The following JMJD1C variants were observed in gnomAD, a reference collection of about 807,000 sequenced individuals.
JMJD1C encodes the protein jumonji domain containing 1C.
JMJD1C carries 31 observed loss-of-function variants against 245.3 expected under a neutral mutation model. That is an observed-to-expected ratio of 0.13 (90% CI 0.09 to 0.17). The LOEUF (loss-of-function observed/expected upper bound fraction) is 0.17. Ranked by LOEUF, JMJD1C falls within the 10% of genes least tolerant of loss-of-function variation. The pLI is 1.00. For missense variants in JMJD1C, 2,691 were observed against 3,000.2 expected, an observed-to-expected ratio of 0.90 and a Z score of 2.41; for synonymous variants, 1,057 against 1,017.4, an observed-to-expected ratio of 1.04 and a Z score of -0.74.
At chr10:63,200,704 C>G in intron 10 of JMJD1C, 27 bp from the exon 11 acceptor site, 1 of 1,591,544 alleles carries the variant, frequency 6.3e-7, no homozygotes, top group Non-Finnish European at 8.6e-7. Flanking sequence ...AAAGTTTTAG[C>G]AAGATTATGC....
rs932376975 is a variant in JMJD1C, at chr10:63,503,531, A to G, written n.113+18207T>C. On this transcript the variant is annotated intron_variant and non_coding_transcript_variant, in intron 1 of 3. Transcript: ENST00000633035. ...ATGTGAGTTTCTGCTAAAGGTTTCT[A>G]TACCAGTAATGTGCCTGCCCCACCC... is the stretch of plus-strand genomic sequence containing the variant. Among the ~76,000 whole-genome samples, 4 of 152,204 alleles carry G rather than the reference A, an allele frequency of 2.6e-5. No homozygotes were observed. The East Asian group carries it at 7.7e-4, about 29-fold the overall frequency.
chr10:63,223,171 T>A, intron 3 of JMJD1C: 1 of 564,136 alleles, frequency 1.8e-6, no homozygotes, highest in Non-Finnish European at 3.2e-6. Flanking sequence ...CTTCCATACA[T>A]AACCATCCAT....
chr10:63,278,353 A>ATAG (rs1283491806), intron 2 of JMJD1C, among the ~76,000 whole-genome samples: 1 of 147,242 alleles, frequency 6.8e-6, no homozygotes, highest in Non-Finnish European at 1.5e-5. Context: ...GAGAATAATA[A>ATAG]TAATAATAAT....
rs1297896519 is a variant in JMJD1C at position 63,198,396 on chromosome 10, TTATCA to T, written c.5491+112_5491+116del. The T allele has an allele frequency of 8.9e-6, 6 of 673,516 alleles. No homozygotes were observed. In the African/African-American group the frequency reaches 1.1e-4, roughly 12 times the overall value. The allele number at this position is 673,516 out of a possible 1,614,324, so 41.7% of individuals were successfully genotyped here. A position where few individuals can be genotyped will look rare whatever the true frequency, so the allele number is the denominator to read the frequency against. ...AAATACATACTGTAAAAAGGTATCA[TTATCA>T]TAATTAAAAATCAAGGTTAGATAAG... is the stretch of plus-strand genomic sequence containing the variant. On this transcript the variant is annotated intron_variant, in intron 12 of 25. Coordinates refer to ENST00000399262, the MANE Select transcript of JMJD1C (RefSeq NM_032776.3).
At chr10:63,503,627 G>A (rs1047148591) in intron 1 of JMJD1C, among the ~76,000 whole-genome samples, 1 of 152,082 alleles carries the variant, frequency 6.6e-6, no homozygotes, top group African/African-American at 2.4e-5. Flanking sequence ...TTATTCCTAC[G>A]GGCAAGCCTA....
At chr10:63,204,867 T>C (rs1295338791) in intron 10 of JMJD1C, 8 of 985,254 alleles carry the variant, frequency 8.1e-6, no homozygotes, top group Non-Finnish European at 9.6e-6. Flanking sequence ...CACAGGCATG[T>C]GGGAAAACCT....
At chr10:63,456,995 T>C (rs1040391297) in intron 1 of JMJD1C, among the ~76,000 whole-genome samples, 5 of 152,194 alleles carry the variant, frequency 3.3e-5, no homozygotes, top group Admixed American at 1.3e-4. Flanking sequence ...CTTTCATCAG[T>C]GTTCAGAGCA....
At chr10:63,200,711 A>G in intron 10 of JMJD1C, 34 bp from the exon 11 acceptor site, 2 of 1,581,202 alleles carry the variant, frequency 1.3e-6, no homozygotes, top group Non-Finnish European at 1.7e-6. Flanking sequence ...TAGCAAGATT[A>G]TGCTTTGTAA....
chr10:63,180,768 A>C (rs1206346783), intron 22 of JMJD1C, among the ~76,000 whole-genome samples: 1 of 91,234 alleles, frequency 1.1e-5, no homozygotes, highest in Non-Finnish European at 2.5e-5. Flanking sequence ...ATGCACAGCT[A>C]ATTTTTTTTT....
At chr10:63,488,434 A>C (rs139085315) in intron 1 of JMJD1C, among the ~76,000 whole-genome samples, 121 of 152,340 alleles carry the variant, frequency 7.9e-4, no homozygotes, top group African/African-American at 2.8e-3. Flanking sequence ...CTTAGGTAAA[A>C]TATAAAACAT....
chr10:63,259,950 G>A (rs1444032624), intron 3 of JMJD1C, among the ~76,000 whole-genome samples: 3 of 152,078 alleles, frequency 2.0e-5, no homozygotes, highest in African/African-American at 7.2e-5. Flanking sequence ...TGCCCAGGCT[G>A]GAGTGCAATG....
intron 23 of JMJD1C, 127 bp from the exon 24 acceptor site, chr10:63,176,600 AGCT>A (rs1330281872): frequency 2.9e-6 from 2 of 699,738 alleles, no homozygotes; most frequent in Non-Finnish European, 4.7e-6. Context: ...CAACTGAATG[AGCT>A]TCTTCAGTTA....
At chr10:63,447,193 G>A (rs1207393986) in intron 1 of JMJD1C, among the ~76,000 whole-genome samples, 1 of 152,130 alleles carries the variant, frequency 6.6e-6, no homozygotes, top group South Asian at 2.1e-4. Context: ...AGTTTCTCAA[G>A]CTTGAACTCA....
At chr10:63,195,845 T>C (rs1198522999) in intron 13 of JMJD1C, among the ~76,000 whole-genome samples, 1 of 151,924 alleles carries the variant, frequency 6.6e-6, no homozygotes, top group Non-Finnish European at 1.5e-5. Context: ...AGGAGAATGG[T>C]GTGAACCCAG....
intron 2 of JMJD1C, among the ~76,000 whole-genome samples, chr10:63,285,708 T>C (rs763369799): frequency 1.2e-4 from 19 of 152,236 alleles, no homozygotes; most frequent in Non-Finnish European, 2.1e-4. Context: ...CTCAGGAGGC[T>C]GAGTTGGGAG....
intron 1 of JMJD1C, among the ~76,000 whole-genome samples, chr10:63,437,207 C>T (rs1226746976): frequency 6.6e-6 from 1 of 152,112 alleles, no homozygotes; most frequent in African/African-American, 2.4e-5. Flanking sequence ...CAAAGATTAA[C>T]GATGTCAGTT....
At chr10:63,407,418 TAAAGCACTGA>T (rs1949234209) in intron 1 of JMJD1C, among the ~76,000 whole-genome samples, 1 of 152,116 alleles carries the variant, frequency 6.6e-6, no homozygotes, top group Non-Finnish European at 1.5e-5. Flanking sequence ...GAAAGCCAGA[TAAAGCACTGA>T]CAGATTTCTT....
At chr10:63,503,726 T>C (rs759788601) in intron 1 of JMJD1C, among the ~76,000 whole-genome samples, 8 of 152,234 alleles carry the variant, frequency 5.3e-5, no homozygotes, top group Non-Finnish European at 8.8e-5. Flanking sequence ...GAGCAATTTT[T>C]CTTCCCATTT....
chr10:63,295,995 G>A (rs867887554), intron 2 of JMJD1C, among the ~76,000 whole-genome samples: 23,475 of 47,040 alleles, frequency 0.5, 4,653 homozygotes, highest in Non-Finnish European at 0.58. Context: ...GTGTGTGTGT[G>A]TGTGTGTGTA....
Sources: gnomAD v4.1 joint callset for allele counts (sites outside exome capture counted in the v4.1 genomes callset) on GRCh38, gnomAD v4.1.1 for gene constraint, MANE v1.5 for transcripts, NCBI Gene and HGNC (gene_info 2026-07-23, HGNC 2026-07-21) for gene names.